RALYL: variants seen among roughly 807,000 people sequenced by gnomAD.
The protein encoded by RALYL is RNA-binding Raly-like protein.
Under a neutral mutation model 35.1 loss-of-function variants are expected in RALYL, and 29 were observed. The observed-to-expected ratio is 0.83, with a 90% confidence interval of 0.61 to 1.13. The LOEUF (loss-of-function observed/expected upper bound fraction) is 1.13. Ranked by LOEUF, RALYL falls within the 50% of genes most tolerant of loss-of-function variation. RALYL has a pLI of 0.00. For missense variants in RALYL, 359 were observed against 360.4 expected (o/e 1.00, Z 0.03); for synonymous variants, 120 against 127.6 (o/e 0.94, Z 0.40).
chr8:84,904,721 A>C (rs1340615056), intron 8 of RALYL, among the ~76,000 whole-genome samples: 1 of 152,172 alleles, frequency 6.6e-6, no homozygotes, highest in East Asian at 1.9e-4. Context: ...AGACTCTACA[A>C]ATTGCATTGG....
chr8:84,424,824 G>T (rs930337944), intron 1 of RALYL, among the ~76,000 whole-genome samples: 1 of 152,164 alleles, frequency 6.6e-6, no homozygotes, highest in South Asian at 2.1e-4. Context: ...AGGTGTCAGT[G>T]TGCCCCTGCT....
At chr8:84,903,424 C>T (rs766499948) in intron 8 of RALYL, among the ~76,000 whole-genome samples, 5 of 152,092 alleles carry the variant, frequency 3.3e-5, no homozygotes, top group Non-Finnish European at 5.9e-5. Context: ...ACCCCATCCC[C>T]AACCCTAACC....
At chr8:84,914,045 A>C (rs1464047675) in intron 8 of RALYL, among the ~76,000 whole-genome samples, 1 of 152,042 alleles carries the variant, frequency 6.6e-6, no homozygotes, top group East Asian at 1.9e-4. Context: ...TGAGTTAACT[A>C]TATGTTTTCA....
intron 1 of RALYL, among the ~76,000 whole-genome samples, chr8:84,428,955 T>C (rs1019113320): frequency 6.6e-6 from 1 of 152,206 alleles, no homozygotes; most frequent in African/African-American, 2.4e-5. Context: ...TCAATTTTTC[T>C]TTATTTATAC....
At chr8:84,802,395 T>C (rs974122656) in intron 3 of RALYL, among the ~76,000 whole-genome samples, 1 of 152,206 alleles carries the variant, frequency 6.6e-6, no homozygotes, top group African/African-American at 2.4e-5. Flanking sequence ...CAATCCAACA[T>C]CATTTTGAAA....
intron 1 of RALYL, among the ~76,000 whole-genome samples, chr8:84,470,158 T>C (rs966743885): frequency 2.0e-5 from 3 of 152,126 alleles, no homozygotes; most frequent in Non-Finnish European, 2.9e-5. Flanking sequence ...CCATCTTGGC[T>C]CCTCCCTCCA....
chr8:84,193,860 A>G (rs186381555), intron 1 of RALYL, among the ~76,000 whole-genome samples: 1 of 152,288 alleles, frequency 6.6e-6, no homozygotes, highest in South Asian at 2.1e-4. Flanking sequence ...CTTTGTGTAA[A>G]ACAAAGTGAG....
chr8:84,383,572 G>A (rs559968975), intron 1 of RALYL, among the ~76,000 whole-genome samples: 1 of 151,648 alleles, frequency 6.6e-6, no homozygotes, highest in East Asian at 2.0e-4. Flanking sequence ...TTTTACTCCA[G>A]AGAGTTAAAA....
intron 2 of RALYL, among the ~76,000 whole-genome samples, chr8:84,697,088 A>G (rs1340076557): frequency 6.6e-6 from 1 of 151,996 alleles, no homozygotes. Context: ...GCTGTGTATA[A>G]TACTTTTGTA....
intron 3 of RALYL, among the ~76,000 whole-genome samples, chr8:84,778,182 G>A (rs1346477822): frequency 2.0e-5 from 3 of 152,134 alleles, no homozygotes; most frequent in Non-Finnish European, 4.4e-5. Context: ...GCTCTAAACT[G>A]CTATGTCTCT....
rs550002001 is a variant in RALYL at position 84,472,769 on chromosome 8, T to C, written c.-23-56530T>C. 3.9e-4 allele frequency among the ~76,000 whole-genome samples: 60 copies of C among 152,238 alleles called. 1 individual carries two copies. The highest frequency in any genetic ancestry group is 6.8e-3 in the Middle Eastern group (2 of 294). ...TTAGAGTTTGAATGATGAAGAAAAATGTTTTTGACTTAACAGTTTTTACTT... is the reference window on the plus strand; with the variant it reads ...TTAGAGTTTGAATGATGAAGAAAAACGTTTTTGACTTAACAGTTTTTACTT... On this transcript the variant is annotated intron_variant, in intron 1 of 8. Transcript: ENST00000521268.
intron 2 of RALYL, among the ~76,000 whole-genome samples, chr8:84,572,008 G>A (rs919851189): frequency 1.3e-5 from 2 of 151,676 alleles, no homozygotes; most frequent in African/African-American, 2.4e-5. Context: ...TTTGAGACTT[G>A]TTTTATGGCC....
intron 1 of RALYL, among the ~76,000 whole-genome samples, chr8:84,400,463 G>T (rs867720769): frequency 1.6e-4 from 24 of 152,122 alleles, no homozygotes; most frequent in African/African-American, 5.6e-4. Flanking sequence ...AAAAGTCAAA[G>T]AAAAAGTTGA....
At chr8:84,760,260 A>G (rs572230981) in intron 2 of RALYL, among the ~76,000 whole-genome samples, 4 of 152,228 alleles carry the variant, frequency 2.6e-5, no homozygotes, top group African/African-American at 9.6e-5. Flanking sequence ...TATGAATACA[A>G]ATTTGGGTGG....
chr8:84,836,067 G>A (rs1174709708), intron 4 of RALYL, among the ~76,000 whole-genome samples: 1 of 152,134 alleles, frequency 6.6e-6, no homozygotes, highest in African/African-American at 2.4e-5. Flanking sequence ...ATTTAAGTAT[G>A]CTTCCTAACA....
chr8:84,434,740 G>A (rs2047515023), intron 1 of RALYL, among the ~76,000 whole-genome samples: 1 of 152,030 alleles, frequency 6.6e-6, no homozygotes, highest in African/African-American at 2.4e-5. Context: ...GACTACCTGA[G>A]CTCGAGTAAT....
chr8:84,569,093 T>G (rs1807249321), intron 2 of RALYL, among the ~76,000 whole-genome samples: 1 of 151,762 alleles, frequency 6.6e-6, no homozygotes, highest in Admixed American at 6.6e-5. Flanking sequence ...TGCCATTGCT[T>G]TTGGTGTTTT....
chr8:84,648,146 C>T (rs1827896198), intron 2 of RALYL, among the ~76,000 whole-genome samples: 1 of 151,996 alleles, frequency 6.6e-6, no homozygotes, highest in African/African-American at 2.4e-5. Context: ...GACATTGCCG[C>T]TTCATTCTGG....
chr8:84,526,655 T>A (rs969360758), intron 1 of RALYL, among the ~76,000 whole-genome samples: 51 of 152,216 alleles, frequency 3.4e-4, no homozygotes, highest in African/African-American at 1.2e-3. Flanking sequence ...CATAGCTCTC[T>A]TGTCTCAAGA....
Sources: allele counts gnomAD v4.1 joint callset (sites outside exome capture counted in the v4.1 genomes callset), GRCh38; gene constraint gnomAD v4.1.1; transcripts MANE v1.5; gene names NCBI Gene and HGNC (gene_info 2026-07-23, HGNC 2026-07-21).